The following BCL2L11 variants were observed in gnomAD, a reference collection of about 807,000 sequenced individuals.
BCL2L11 encodes the protein BCL2 like 11.
BCL2L11 carries 15 observed loss-of-function variants against 20.6 expected under a neutral mutation model. The observed-to-expected ratio is 0.73, with a 90% CI of 0.49 to 1.12. BCL2L11 has a LOEUF of 1.12. BCL2L11 is among the 50% of genes most tolerant of loss of function. The pLI is 0.00. For missense variants in BCL2L11, 292 were observed against 260.9 expected (o/e 1.12, Z -0.82); for synonymous variants, 108 against 92.8 (o/e 1.16, Z -0.94).
intron 2 of BCL2L11, among the ~76,000 whole-genome samples, chr2:111,147,432 T>C (rs1182516657): frequency 6.6e-6 from 1 of 152,028 alleles, no homozygotes; most frequent in African/African-American, 2.4e-5. Context: ...TGTGTTTATA[T>C]CCATGAATTT....
chr2:111,132,806 G>A (rs550096941), intron 2 of BCL2L11, among the ~76,000 whole-genome samples: 2 of 152,236 alleles, frequency 1.3e-5, no homozygotes, highest in South Asian at 2.1e-4. Flanking sequence ...TTTGCTTATC[G>A]AAGATCAGGA....
At chr2:111,123,658 A>C in intron 1 of BCL2L11, 75 bp from the exon 2 acceptor site, 1 of 1,297,036 alleles carries the variant, frequency 7.7e-7, no homozygotes, top group Non-Finnish European at 1.0e-6. Flanking sequence ...TTTAATCGCT[A>C]GGTGAGAGCT....
At chr2:111,157,368 A>G (rs1559082583) in intron 3 of BCL2L11, among the ~76,000 whole-genome samples, 1 of 152,190 alleles carries the variant, frequency 6.6e-6, no homozygotes, top group Non-Finnish European at 1.5e-5. Flanking sequence ...GACTTCTACC[A>G]CCTGAAACAA....
chr2:111,145,886 A>G (rs1019589994), intron 2 of BCL2L11: 1 of 851,160 alleles, frequency 1.2e-6, no homozygotes, highest in African/African-American at 1.8e-5. Context: ...TATATCTGAC[A>G]TATTGCATTA....
chr2:111,159,575 G>A (rs971578421), intron 3 of BCL2L11, among the ~76,000 whole-genome samples: 1 of 152,192 alleles, frequency 6.6e-6, no homozygotes, highest in Non-Finnish European at 1.5e-5. Flanking sequence ...CAGTTCCCTG[G>A]GGCCAGGGCC....
chr2:111,161,885 T>A (rs1204975519), intron 3 of BCL2L11, among the ~76,000 whole-genome samples: 2 of 152,202 alleles, frequency 1.3e-5, no homozygotes, highest in Non-Finnish European at 2.9e-5. Flanking sequence ...TTCCTCAGTA[T>A]CTAGATCGCA....
At chr2:111,129,104 T>C (rs2073334866) in intron 2 of BCL2L11, among the ~76,000 whole-genome samples, 1 of 152,270 alleles carries the variant, frequency 6.6e-6, no homozygotes, top group Non-Finnish European at 1.5e-5. Context: ...AAACATTAAA[T>C]GAGCATTGTA....
intron 3 of BCL2L11, among the ~76,000 whole-genome samples, chr2:111,163,635 G>A (rs1188217968): frequency 2.0e-5 from 3 of 152,044 alleles, no homozygotes; most frequent in Admixed American, 6.5e-5. Flanking sequence ...TCTGGGTCAC[G>A]GTGTTTATCA....
intron 3 of BCL2L11, among the ~76,000 whole-genome samples, chr2:111,152,149 A>G (rs1363922425): frequency 6.6e-6 from 1 of 152,246 alleles, no homozygotes; most frequent in Non-Finnish European, 1.5e-5. Flanking sequence ...TGTGTCCAGA[A>G]TCCAACAGGA....
chr2:111,164,742 C>G lies in BCL2L11; in HGVS notation c.*511C>G, dbSNP rs72948380. Reference sequence around the variant, plus strand: ...ATTACAGAATTTTTAAACAGGGAGACGTGTGATATACTCCCTCCCTTCCCT... The same window carrying G: ...ATTACAGAATTTTTAAACAGGGAGAGGTGTGATATACTCCCTCCCTTCCCT... On this transcript the variant is annotated 3_prime_UTR_variant, in exon 4 of 4. Coordinates refer to ENST00000393256, the MANE Select transcript of BCL2L11 (RefSeq NM_138621.5). 0.026 allele frequency: 3,964 copies of G among 153,608 alleles called. 166 individuals carry two copies. The highest frequency in any genetic ancestry group is 0.089 in the African/African-American group (3,707 of 41,508). 9.5% of individuals were successfully genotyped at this position (153,608 alleles called of 1,614,324 possible). A position where few individuals can be genotyped will look rare whatever the true frequency, so the allele number is the denominator to read the frequency against.
intron 2 of BCL2L11, chr2:111,132,236 A>G (rs554950238): frequency 5.3e-5 from 8 of 152,348 alleles, no homozygotes; most frequent in African/African-American, 1.9e-4. Flanking sequence ...TAGTCCTCAG[A>G]ATACCATGAT....
chr2:111,164,481 A>G lies in BCL2L11; in HGVS notation c.*250A>G. 2.8e-6 allele frequency: 1 copy of G among 352,942 alleles called. No homozygotes were observed. Among genetic ancestry groups the G allele is most frequent in the South Asian group, 7.8e-5 (1 of 12,888 alleles). The allele number at this position is 352,942 out of a possible 1,614,324, so 21.9% of individuals were successfully genotyped here. A position where few individuals can be genotyped will look rare whatever the true frequency, so the allele number is the denominator to read the frequency against. On this transcript the variant is annotated 3_prime_UTR_variant, in exon 4 of 4. Coordinates refer to ENST00000393256, the MANE Select transcript of BCL2L11 (RefSeq NM_138621.5). ...GCATTCTTTGCTTTTTAATATACAA[A>G]CCATGGTTTTTTGGAGCAGGATTTT...
At chr2:111,149,396 G>A (rs747175942) in intron 2 of BCL2L11, among the ~76,000 whole-genome samples, 6 of 152,124 alleles carry the variant, frequency 3.9e-5, no homozygotes, top group Non-Finnish European at 5.9e-5. Context: ...CTCTCCATGT[G>A]GTGTTTGCAG....
At chr2:111,157,049 G>A (rs1490895464) in intron 3 of BCL2L11, among the ~76,000 whole-genome samples, 2 of 152,186 alleles carry the variant, frequency 1.3e-5, no homozygotes, top group Non-Finnish European at 2.9e-5. Flanking sequence ...ATGAGGCTGA[G>A]GCACTGGTGT....
chr2:111,136,813 C>T (rs1255288672), intron 2 of BCL2L11, among the ~76,000 whole-genome samples: 1 of 152,176 alleles, frequency 6.6e-6, no homozygotes, highest in Non-Finnish European at 1.5e-5. Flanking sequence ...ACGTTTATAC[C>T]ATAGCAGTAT....
At chr2:111,121,804 C>A (rs2241843) in intron 1 of BCL2L11, among the ~76,000 whole-genome samples, 90,006 of 152,086 alleles carry the variant, frequency 0.59, 28,571 homozygotes, top group African/African-American at 0.82. Flanking sequence ...AGTCCTGCGG[C>A]CTGTGCCATC....
At chr2:111,122,912 G>C (rs1262046477) in intron 1 of BCL2L11, 2 of 985,250 alleles carry the variant, frequency 2.0e-6, no homozygotes, top group East Asian at 1.1e-4. Context: ...GCTCTGAAGG[G>C]AAGGCGCGGA....
At chr2:111,156,774 C>T (rs925045692) in intron 3 of BCL2L11, among the ~76,000 whole-genome samples, 1 of 152,098 alleles carries the variant, frequency 6.6e-6, no homozygotes, top group African/African-American at 2.4e-5. Context: ...TCTGGTCTAT[C>T]CCTTAGGCAT....
At chr2:111,144,450 G>T (rs116081708) in intron 2 of BCL2L11, 1 of 1,549,578 alleles carries the variant, frequency 6.5e-7, no homozygotes, top group Admixed American at 2.0e-5. Context: ...AGCATTTACC[G>T]CAAACGCTGA....
Sources: gnomAD v4.1 joint callset for allele counts (sites outside exome capture counted in the v4.1 genomes callset) on GRCh38, gnomAD v4.1.1 for gene constraint, MANE v1.5 for transcripts, NCBI Gene and HGNC (gene_info 2026-07-23, HGNC 2026-07-21) for gene names.